Variants in SLC15A1 observed in about 807,000 individuals in gnomAD.
SLC15A1 encodes the protein solute carrier family 15 member 1.
SLC15A1 carries 83 observed loss-of-function variants against 92.9 expected under a neutral mutation model. The observed-to-expected ratio is 0.89, with a 90% CI of 0.75 to 1.07. SLC15A1 has a LOEUF of 1.07. Among genes scored for constraint, SLC15A1 ranks in the 50% least tolerant of loss-of-function variants. The pLI is 0.00. For missense variants in SLC15A1, 857 were observed against 880.1 expected (o/e 0.97, Z 0.33); for synonymous variants, 322 against 318.2 (o/e 1.01, Z -0.13).
intron 18 of SLC15A1, among the ~76,000 whole-genome samples, chr13:98,700,765 A>G (rs1466302767): frequency 6.6e-6 from 1 of 152,202 alleles, no homozygotes; most frequent in East Asian, 1.9e-4. Context: ...AAGTTCATTT[A>G]TTACATATGA....
chr13:98,695,685 G>A (rs1410457259), intron 18 of SLC15A1, among the ~76,000 whole-genome samples: 12 of 152,074 alleles, frequency 7.9e-5, no homozygotes, highest in South Asian at 2.1e-4. Flanking sequence ...GAGCCACCGA[G>A]CCCTGCCCAA....
At chr13:98,698,782 AT>A (rs773019847) in intron 18 of SLC15A1, among the ~76,000 whole-genome samples, 1 of 152,224 alleles carries the variant, frequency 6.6e-6, no homozygotes, top group Middle Eastern at 3.4e-3. Context: ...TACTTAATAT[AT>A]TTTTTGTATA....
chr13:98,719,369 A>G (rs1459412446), intron 7 of SLC15A1, 49 bp from the exon 8 acceptor site: 7 of 1,315,348 alleles, frequency 5.3e-6, no homozygotes, highest in Admixed American at 1.7e-5. Context: ...GGTAATGAGC[A>G]TATAGTTCCC....
Position 98,743,087 on chromosome 13 carries a change from T to C in SLC15A1, c.4+9508A>G, listed in dbSNP as rs544809272. Among the ~76,000 whole-genome samples the C allele has an allele frequency of 6.5e-4, 99 of 152,342 alleles. 1 individual carries two copies. In the South Asian group the frequency reaches 0.021, roughly 32 times the overall value. ...CCATGTCCAGTCCAGATTTCCTCTT[T>C]TTGTGAGGACACTGCTCATATTGAA... On this transcript the variant is annotated intron_variant, in intron 1 of 22. Transcript: ENST00000376503.
chr13:98,745,966 T>C (rs11618107), intron 1 of SLC15A1, among the ~76,000 whole-genome samples: 5,858 of 152,242 alleles, frequency 0.038, 190 homozygotes, highest in East Asian at 0.11. Flanking sequence ...CAGATTATTT[T>C]TCCACCTAGG....
chr13:98,709,070 C>T (rs573760495), intron 14 of SLC15A1, among the ~76,000 whole-genome samples: 1 of 150,948 alleles, frequency 6.6e-6, no homozygotes, highest in Non-Finnish European at 1.5e-5. Context: ...TAGCTTCAAG[C>T]AATTCTCATG....
chr13:98,718,103 C>A (rs1038526558), intron 8 of SLC15A1, among the ~76,000 whole-genome samples: 1 of 151,982 alleles, frequency 6.6e-6, no homozygotes, highest in Non-Finnish European at 1.5e-5. Flanking sequence ...TTTGCCATTA[C>A]TTTTAATGGC....
At position 98,738,758 on chromosome 13, in the gene SLC15A1, G is replaced by A. The variant is rs2088416408; in HGVS notation, c.5-11899C>T. On this transcript the variant is annotated intron_variant, in intron 1 of 22. Transcript: ENST00000376503. ...CTCACAGAGAACCTCTGCTAGGGCA[G>A]TATGGAGGGGAAAGGTGGGGTTGGA... Among the ~76,000 whole-genome samples, 4 of 152,270 alleles carry A rather than the reference G, an allele frequency of 2.6e-5. No homozygotes were observed. In the South Asian group the frequency reaches 8.3e-4, roughly 31 times the overall value.
At chr13:98,700,484 C>CAAAAAAAAA (rs56342746) in intron 18 of SLC15A1, among the ~76,000 whole-genome samples, 737 of 50,884 alleles carry the variant, frequency 0.014, 90 homozygotes, top group African/African-American at 0.062. Context: ...GACCCTGTCT[C>CAAAAAAAAA]AAAAAAAAAA....
intron 8 of SLC15A1, 122 bp downstream of exon 8, chr13:98,719,115 C>T: frequency 1.5e-6 from 1 of 674,754 alleles, no homozygotes; most frequent in Non-Finnish European, 2.6e-6. Flanking sequence ...CATCTGATGC[C>T]AATTCTTCTC....
At chr13:98,712,458 T>C (rs1435787945) in intron 10 of SLC15A1, 40 bp downstream of exon 10, 1 of 1,471,234 alleles carries the variant, frequency 6.8e-7, no homozygotes, top group Admixed American at 1.7e-5. Flanking sequence ...GTTCACTTCC[T>C]GGGGGAATCA....
intron 18 of SLC15A1, among the ~76,000 whole-genome samples, chr13:98,697,661 G>A (rs2088034230): frequency 7.1e-6 from 1 of 140,218 alleles, no homozygotes; most frequent in Non-Finnish European, 1.5e-5. Context: ...AGCCTCCAAA[G>A]TTATGGAAGA....
rs189587772 is a variant in SLC15A1 at position 98,705,717 on chromosome 13, C to A, written c.1269+417G>T. Reference sequence around the variant, plus strand: ...GACCAGCCTGGCCAACATGGCAAAACCCTGTCTCTACTAAAAATACAAAAA... The same window carrying A: ...GACCAGCCTGGCCAACATGGCAAAAACCTGTCTCTACTAAAAATACAAAAA... On this transcript the variant is annotated intron_variant, in intron 16 of 22. Transcript: ENST00000376503. 2.4e-3 allele frequency among the ~76,000 whole-genome samples: 368 copies of A among 152,056 alleles called. 4 individuals carry two copies. Among genetic ancestry groups the A allele is most frequent in the Admixed American group, 4.5e-3 (68 of 15,278 alleles).
intron 18 of SLC15A1, among the ~76,000 whole-genome samples, chr13:98,702,075 G>A (rs534530295): frequency 3.3e-5 from 5 of 152,262 alleles, no homozygotes; most frequent in South Asian, 4.1e-4. Flanking sequence ...ATAGAAGTGC[G>A]GAGAGTGGAA....
chr13:98,726,710 A>T, intron 2 of SLC15A1, 133 bp downstream of exon 2: 1 of 920,954 alleles, frequency 1.1e-6, no homozygotes, highest in Non-Finnish European at 1.8e-6. Context: ...AGGACATCTC[A>T]CATGGAAATC....
intron 8 of SLC15A1, 147 bp downstream of exon 8, chr13:98,719,090 T>G (rs769612643): frequency 1.1e-4 from 70 of 617,712 alleles, no homozygotes; most frequent in Admixed American, 2.8e-4. Flanking sequence ...CTTTGAATAC[T>G]TAGAGCATGT....
chr13:98,711,893 A>G lies in SLC15A1; in HGVS notation c.861T>C (p.Tyr287=). 2 of 1,613,710 alleles carry G rather than the reference A, an allele frequency of 1.2e-6. No homozygotes were observed. The highest frequency in any genetic ancestry group is 1.1e-5 in the South Asian group (1 of 91,058). Residue 287 remains tyrosine (Y), a synonymous_variant, in exon 11 of 23, where the codon TAT becomes TAC. Transcript: ENST00000376503. ...IKMVTRVMFL[Y]IPLPMFWALF... ...AGGCCCAGAACATTGGGAGTGGAAT[A>G]TACAGGAACATCACCCTCGTAACCA...
chr13:98,744,559 G>C (rs2088476697), intron 1 of SLC15A1, among the ~76,000 whole-genome samples: 1 of 151,498 alleles, frequency 6.6e-6, no homozygotes, highest in African/African-American at 2.4e-5. Context: ...GATCAGCCTG[G>C]CCAAGGTAGC....
chr13:98,747,339 T>A (rs1566461797), intron 1 of SLC15A1, among the ~76,000 whole-genome samples: 1 of 152,128 alleles, frequency 6.6e-6, no homozygotes, highest in Non-Finnish European at 1.5e-5. Flanking sequence ...CTGCAAAGCA[T>A]AGAATCAAGA....
Sources: gnomAD v4.1 joint callset for allele counts (sites outside exome capture counted in the v4.1 genomes callset) on GRCh38, gnomAD v4.1.1 for gene constraint, MANE v1.5 for transcripts, NCBI Gene and HGNC (gene_info 2026-07-23, HGNC 2026-07-21) for gene names.